EPHA7: variants seen among roughly 807,000 people sequenced by gnomAD.
EPHA7 encodes EPH receptor A7, also known as ephrin type-A receptor 7.
In EPHA7, 25 loss-of-function variants were observed where a neutral mutation model predicts 112.6. The ratio of observed to expected loss-of-function variants is 0.22; its 90% CI spans 0.16 to 0.31. EPHA7 has a LOEUF of 0.31. Ranked by LOEUF, EPHA7 falls within the 10% of genes least tolerant of loss-of-function variation. The pLI is 1.00. For missense variants in EPHA7, 962 were observed against 1,212.6 expected, an observed-to-expected ratio of 0.79 and a Z score of 3.07; for synonymous variants, 437 against 406.5, an observed-to-expected ratio of 1.07 and a Z score of -0.90.
intron 1 of EPHA7, among the ~76,000 whole-genome samples, chr6:93,416,959 G>T (rs553394412): frequency 2.0e-5 from 3 of 152,184 alleles, no homozygotes; most frequent in Non-Finnish European, 4.4e-5. Context: ...CCAGACCTGG[G>T]CACTCCAGGG....
At chr6:93,370,331 C>T (rs939609778) in intron 3 of EPHA7, among the ~76,000 whole-genome samples, 1 of 152,106 alleles carries the variant, frequency 6.6e-6, no homozygotes, top group Non-Finnish European at 1.5e-5. Flanking sequence ...AAATACATGA[C>T]CTACCCAAAC....
intron 5 of EPHA7, among the ~76,000 whole-genome samples, chr6:93,285,355 G>A (rs1772010908): frequency 6.6e-6 from 1 of 152,164 alleles, no homozygotes. Flanking sequence ...TATACAGAGT[G>A]AGAGTTACCA....
In EPHA7 at chr6:93,410,925, C is replaced by A; in HGVS notation, c.408G>T (p.Arg136Ser). 5 of 1,613,942 alleles carry A rather than the reference C, an allele frequency of 3.1e-6. No homozygotes were observed. Among genetic ancestry groups the A allele is most frequent in the African/African-American group, 2.7e-5 (2 of 74,990 alleles). Reference sequence around the variant, plus strand: ...TTACATAGAGGTTTTCTCTTATATTCCTGCCAGTGTCATAGTCTGTTTCAT... The same window carrying A: ...TTACATAGAGGTTTTCTCTTATATTACTGCCAGTGTCATAGTCTGTTTCAT... ...YYYETDYDTG[R>S]NIRENLYVKI... Residue 136 changes from arginine (R) to serine (S), a missense_variant, in exon 3 of 17, where the codon AGG (arginine) becomes AGT (serine). Around this residue, in one of 3 missense-constraint regions of EPHA7, gnomAD observed 160 missense variants for 263.6 expected, o/e 0.61. Transcript: ENST00000369303. This position sits in a 1 kb window ranked among gnomAD's most constrained non-coding sequence, Gnocchi z 4.0.
chr6:93,252,576 A>T (rs1457721850), intron 14 of EPHA7, among the ~76,000 whole-genome samples: 1 of 151,934 alleles, frequency 6.6e-6, no homozygotes, highest in Non-Finnish European at 1.5e-5. Context: ...TTTATCCCAG[A>T]ATGGAAATCA....
At chr6:93,252,067 C>A (rs1319905223) in intron 14 of EPHA7, among the ~76,000 whole-genome samples, 1 of 151,878 alleles carries the variant, frequency 6.6e-6, no homozygotes, top group Non-Finnish European at 1.5e-5. Context: ...TTTTCTTGTT[C>A]ATTGCCTTGT....
chr6:93,260,077 C>G (rs1171655545), intron 9 of EPHA7, among the ~76,000 whole-genome samples: 1 of 151,884 alleles, frequency 6.6e-6, no homozygotes, highest in Non-Finnish European at 1.5e-5. Flanking sequence ...ACAGTTTCAT[C>G]TTCACCTTCA....
intron 5 of EPHA7, among the ~76,000 whole-genome samples, chr6:93,289,797 T>C (rs1048143532): frequency 1.3e-5 from 2 of 152,170 alleles, no homozygotes; most frequent in Non-Finnish European, 2.9e-5. Context: ...TATAAAATCA[T>C]TGGTTACATA....
intron 3 of EPHA7, among the ~76,000 whole-genome samples, chr6:93,383,292 G>A (rs540386439): frequency 1.4e-4 from 21 of 144,886 alleles, no homozygotes; most frequent in Admixed American, 4.8e-4. Flanking sequence ...GTGTGTGTGT[G>A]TGTACAATGA....
At chr6:93,295,837 T>C (rs540278872) in intron 5 of EPHA7, among the ~76,000 whole-genome samples, 3 of 151,960 alleles carry the variant, frequency 2.0e-5, no homozygotes, top group South Asian at 4.2e-4. Flanking sequence ...GACAATGCAT[T>C]TTCTGAATTT....
At chr6:93,361,318 G>GT (rs1391252766) in intron 3 of EPHA7, among the ~76,000 whole-genome samples, 1 of 151,996 alleles carries the variant, frequency 6.6e-6, no homozygotes, top group Non-Finnish European at 1.5e-5. Context: ...GTTATTAAAA[G>GT]TAAGTACAAA....
chr6:93,281,494 G>A (rs777238634), intron 5 of EPHA7, among the ~76,000 whole-genome samples: 8 of 152,070 alleles, frequency 5.3e-5, no homozygotes, highest in Non-Finnish European at 8.8e-5. Flanking sequence ...TCATAGAAAT[G>A]ATTTATCAGG....
chr6:93,321,634 A>G (rs1384904259), intron 5 of EPHA7, among the ~76,000 whole-genome samples: 2 of 151,968 alleles, frequency 1.3e-5, no homozygotes, highest in African/African-American at 4.8e-5. Context: ...TCTGGAATTG[A>G]CATTTCTGAC....
chr6:93,326,853 T>A (rs1481472252), intron 5 of EPHA7, among the ~76,000 whole-genome samples: 1 of 151,560 alleles, frequency 6.6e-6, no homozygotes, highest in African/African-American at 2.4e-5. Context: ...TAACTGAATA[T>A]AAGAAAGAAC....
intron 5 of EPHA7, among the ~76,000 whole-genome samples, chr6:93,353,632 A>C (rs1370743978): frequency 6.6e-6 from 1 of 152,152 alleles, no homozygotes; most frequent in Non-Finnish European, 1.5e-5. Context: ...TCATTTTGCT[A>C]TTCACTGCAT....
intron 5 of EPHA7, among the ~76,000 whole-genome samples, chr6:93,284,450 G>A (rs958238583): frequency 6.6e-6 from 1 of 152,008 alleles, no homozygotes; most frequent in African/African-American, 2.4e-5. Flanking sequence ...AAGATCAGCA[G>A]CAGCAGGGGG....
At chr6:93,401,743 G>A (rs1435239877) in intron 3 of EPHA7, among the ~76,000 whole-genome samples, 2 of 151,950 alleles carry the variant, frequency 1.3e-5, no homozygotes, top group Non-Finnish European at 2.9e-5. Flanking sequence ...CTATTTAAAT[G>A]TGAGAAAAAT....
At chr6:93,395,611 AC>A (rs1218975118) in intron 3 of EPHA7, among the ~76,000 whole-genome samples, 5 of 150,856 alleles carry the variant, frequency 3.3e-5, no homozygotes, top group Admixed American at 2.7e-4. Flanking sequence ...ACACACACAC[AC>A]ATCTGTCCGT....
At chr6:93,326,805 C>T (rs1365521064) in intron 5 of EPHA7, among the ~76,000 whole-genome samples, 1 of 151,404 alleles carries the variant, frequency 6.6e-6, no homozygotes, top group East Asian at 1.9e-4. Context: ...TTATTAAGCA[C>T]ATCAATGAAT....
intron 3 of EPHA7, among the ~76,000 whole-genome samples, chr6:93,366,926 C>A (rs1776544682): frequency 6.6e-6 from 1 of 150,910 alleles, no homozygotes; most frequent in Non-Finnish European, 1.5e-5. Flanking sequence ...TGAGAGTTCA[C>A]CCCATAGATT....
Sources: gnomAD v4.1 joint callset for allele counts (sites outside exome capture counted in the v4.1 genomes callset) on GRCh38, gnomAD v4.1.1 for gene constraint, gnomAD v4.1.1 regional missense constraint, Gnocchi (gnomAD v3.1) non-coding constraint, MANE v1.5 for transcripts, NCBI Gene and HGNC (gene_info 2026-07-23, HGNC 2026-07-21) for gene names.